The following FMO3 variants were observed in gnomAD, a reference collection of about 807,000 sequenced individuals.
The protein encoded by FMO3 is flavin containing dimethylaniline monoxygenase 3, also known as flavin-containing monooxygenase 3.
FMO3 carries 40 observed loss-of-function variants against 39.4 expected under a neutral mutation model. The observed-to-expected ratio is 1.02, with a 90% CI of 0.79 to 1.32. FMO3 has a LOEUF of 1.32. FMO3 is among the 40% of genes most tolerant of loss of function. The pLI is 0.00. For missense variants in FMO3, 680 were observed against 651.8 expected, an observed-to-expected ratio of 1.04 and a Z score of -0.47; for synonymous variants, 219 against 228.8, an observed-to-expected ratio of 0.96 and a Z score of 0.39.
At chr1:171,097,738 G>T (rs946549888) in intron 2 of FMO3, among the ~76,000 whole-genome samples, 8 of 150,654 alleles carry the variant, frequency 5.3e-5, no homozygotes, top group African/African-American at 2.0e-4. Flanking sequence ...CCATTTTATG[G>T]GTTGCCTGTT....
At chr1:171,096,080 AAT>A (rs1370788929) in intron 2 of FMO3, among the ~76,000 whole-genome samples, 7 of 69,218 alleles carry the variant, frequency 1.0e-4, no homozygotes, top group African/African-American at 4.3e-4. Flanking sequence ...ATTAATATAT[AAT>A]ATATATTAAT....
At position 171,117,189 on chromosome 1, in the gene FMO3, G is replaced by GGCT; in HGVS notation, c.1348_1350dup (p.Leu450dup). 6.2e-7 allele frequency: 1 copy of GGCT among 1,614,098 alleles called. No individual in the cohort carries two copies. The highest frequency in any genetic ancestry group is 8.5e-7 in the Non-Finnish European group (1 of 1,179,974). On this transcript the variant is annotated inframe_insertion, in exon 9 of 9. Transcript: ENST00000367755. ...ATTGGGGCAAAGCCCAACATCCCAT[G>GGCT]GCTGTTTCTCACAGATCCCAAATTG...
intron 5 of FMO3, 31 bp downstream of exon 5, chr1:171,108,252 C>T (rs79952472): frequency 3.5e-5 from 56 of 1,612,044 alleles, no homozygotes; most frequent in Non-Finnish European, 4.5e-5. Flanking sequence ...GGGTGACTCT[C>T]GTTACTGACA....
At chr1:171,091,504 A>T (rs1654702337) in intron 1 of FMO3, among the ~76,000 whole-genome samples, 1 of 152,188 alleles carries the variant, frequency 6.6e-6, no homozygotes, top group African/African-American at 2.4e-5. Flanking sequence ...GGAACAGAAA[A>T]AAGTTAGGAA....
intron 2 of FMO3, among the ~76,000 whole-genome samples, chr1:171,101,405 A>G (rs986914100): frequency 6.6e-6 from 1 of 152,220 alleles, no homozygotes; most frequent in South Asian, 2.1e-4. Flanking sequence ...CAAATGATGG[A>G]GCAAACAGCA....
chr1:171,094,819 C>G (rs1333634578), intron 2 of FMO3, among the ~76,000 whole-genome samples: 1 of 152,156 alleles, frequency 6.6e-6, no homozygotes, highest in Admixed American at 6.5e-5. Flanking sequence ...ATACCAGTAC[C>G]ATGCTATTTT....
At chr1:171,111,992 T>G (rs1655934578) in intron 6 of FMO3, among the ~76,000 whole-genome samples, 1 of 152,072 alleles carries the variant, frequency 6.6e-6, no homozygotes, top group African/African-American at 2.4e-5. Flanking sequence ...AGAGTATGTC[T>G]CAGGGAGGAG....
At chr1:171,114,765 A>G (rs1390487489) in intron 7 of FMO3, among the ~76,000 whole-genome samples, 1 of 152,228 alleles carries the variant, frequency 6.6e-6, no homozygotes, top group Non-Finnish European at 1.5e-5. Context: ...ACATCCAGCC[A>G]ACTTCAAATA....
chr1:171,116,185 T>TCGTG, intron 7 of FMO3, 23 bp from the exon 8 acceptor site: 1 of 1,477,302 alleles, frequency 6.8e-7, no homozygotes, highest in South Asian at 1.1e-5. Context: ...TTAATTACCA[T>TCGTG]CGTGTCTTTC....
At chr1:171,103,399 A>G (rs1172129679) in intron 2 of FMO3, among the ~76,000 whole-genome samples, 2 of 152,206 alleles carry the variant, frequency 1.3e-5, no homozygotes, top group Non-Finnish European at 2.9e-5. Context: ...GGATGACTCA[A>G]ATAAGTATAC....
chr1:171,103,823 AGTCTTTTC>A lies in FMO3; in HGVS notation c.172_179del (p.Val58GlnfsTer17), dbSNP rs1203286290. 4 of 1,613,832 alleles carry A rather than the reference AGTCTTTTC, an allele frequency of 2.5e-6. No individual in the cohort carries two copies. The African/African-American group carries it at 5.3e-5, about 22-fold the overall frequency. On this transcript the variant is annotated frameshift_variant, in exon 3 of 9. Transcript: ENST00000367755. LOFTEE classifies it high-confidence loss of function. The stretch of plus-strand genomic sequence containing the variant: ...AGGGCAGGGCTAGCATTTACAAATC[AGTCTTTTC>A]CAACTCTTCCAAAGAGATGATGTGT...
intron 4 of FMO3, 23 bp downstream of exon 4, chr1:171,107,860 T>C (rs772100730): frequency 1.2e-5 from 20 of 1,607,582 alleles, no homozygotes; most frequent in Non-Finnish European, 1.4e-5. Context: ...TTTAAGCTGC[T>C]AGCCACATAA....
chr1:171,113,908 T>C lies in FMO3; in HGVS notation c.828-99T>C. On this transcript the variant is annotated intron_variant, in intron 6 of 8. Transcript: ENST00000367755. ...TACTCTATGCCTCAGAAAAAAAAAA[T>C]CTTGGGTCATTTTTTCCTTCCTTAT... The C allele has an allele frequency of 1.1e-5, 9 of 841,298 alleles. No individual in the cohort carries two copies. The South Asian group carries it at 1.7e-4, about 16-fold the overall frequency. The allele number at this position is 841,298 out of a possible 1,614,324, so 52.1% of individuals were successfully genotyped here.
chr1:171,111,527 A>T (rs971187714), intron 6 of FMO3, among the ~76,000 whole-genome samples: 1 of 152,126 alleles, frequency 6.6e-6, no homozygotes, highest in African/African-American at 2.4e-5. Flanking sequence ...TAAGCACATC[A>T]GGAGAACGTT....
chr1:171,106,110 T>A (rs1346111084), intron 3 of FMO3, among the ~76,000 whole-genome samples: 1 of 152,088 alleles, frequency 6.6e-6, no homozygotes, highest in African/African-American at 2.4e-5. Context: ...AAATTATACA[T>A]TTTTTTCAGT....
At chr1:171,113,946 G>A in intron 6 of FMO3, 61 bp from the exon 7 acceptor site, 1 of 1,214,090 alleles carries the variant, frequency 8.2e-7, no homozygotes, top group Non-Finnish European at 1.2e-6. Context: ...ATTTATATAT[G>A]GACCAATAAA....
chr1:171,100,924 T>C (rs915248236), intron 2 of FMO3: 17 of 284,272 alleles, frequency 6.0e-5, no homozygotes, highest in African/African-American at 2.2e-5. Flanking sequence ...TTTTTCTGCA[T>C]TATGTGGGTG....
chr1:171,098,420 G>A (rs1336982029), intron 2 of FMO3, among the ~76,000 whole-genome samples: 1 of 152,166 alleles, frequency 6.6e-6, no homozygotes, highest in African/African-American at 2.4e-5. Flanking sequence ...TCCTATCCAT[G>A]AGCATGGAAT....
At chr1:171,093,270 C>T (rs1215633827) in intron 2 of FMO3, among the ~76,000 whole-genome samples, 1 of 152,034 alleles carries the variant, frequency 6.6e-6, no homozygotes, top group Non-Finnish European at 1.5e-5. Flanking sequence ...ACCTCAACCG[C>T]CTCCCACTCT....
Sources: gnomAD v4.1 joint callset for allele counts (sites outside exome capture counted in the v4.1 genomes callset) on GRCh38, gnomAD v4.1.1 for gene constraint, MANE v1.5 for transcripts, NCBI Gene and HGNC (gene_info 2026-07-23, HGNC 2026-07-21) for gene names.